The following ZNF804B variants were observed in gnomAD, a reference collection of about 807,000 sequenced individuals.
ZNF804B encodes the protein zinc finger protein 804B.
A neutral mutation model predicts 101.4 loss-of-function variants in ZNF804B; 80 were observed. That is an observed-to-expected ratio of 0.79 (90% CI 0.66 to 0.95). ZNF804B has a LOEUF of 0.95. ZNF804B is among the 40% of genes least tolerant of loss of function. The pLI is 0.00. For synonymous variants in ZNF804B, 622 were observed against 558.8 expected (o/e 1.11, Z -1.59); for missense variants, 1,673 against 1,561.9 (o/e 1.07, Z -1.20).
intron 1 of ZNF804B, among the ~76,000 whole-genome samples, chr7:89,126,204 G>C (rs769688274): frequency 2.0e-5 from 3 of 151,790 alleles, no homozygotes; most frequent in Non-Finnish European, 4.4e-5. Flanking sequence ...TAACATATTA[G>C]TGTACAATAT....
chr7:89,220,063 G>GCACATATATGTGTATATACATATATACA (rs1788973996), intron 2 of ZNF804B, among the ~76,000 whole-genome samples: 1 of 100,400 alleles, frequency 1.0e-5, no homozygotes, highest in African/African-American at 4.3e-5. Context: ...ACATATATAC[G>GCACATATATGTGTATATACATATATACA]CACATATATG....
At chr7:89,280,568 G>A (rs1458819317) in intron 2 of ZNF804B, among the ~76,000 whole-genome samples, 5 of 152,000 alleles carry the variant, frequency 3.3e-5, no homozygotes, top group Non-Finnish European at 5.9e-5. Flanking sequence ...AATGATAAAG[G>A]GGATATCACC....
intron 1 of ZNF804B, among the ~76,000 whole-genome samples, chr7:88,776,844 G>A (rs1790149994): frequency 7.8e-6 from 1 of 128,070 alleles, no homozygotes; most frequent in African/African-American, 3.0e-5. Flanking sequence ...AAAAACATTT[G>A]TATCAGTGTC....
intron 1 of ZNF804B, among the ~76,000 whole-genome samples, chr7:88,821,130 A>G (rs543843809): frequency 3.9e-5 from 6 of 152,272 alleles, no homozygotes; most frequent in East Asian, 1.9e-4. Context: ...ATATACAAAC[A>G]TATCTATTAT....
intron 1 of ZNF804B, among the ~76,000 whole-genome samples, chr7:88,899,547 A>G (rs1196349206): frequency 6.6e-6 from 1 of 152,142 alleles, no homozygotes; most frequent in African/African-American, 2.4e-5. Context: ...CTCCTAGCCA[A>G]TCATCTTGCC....
chr7:89,317,029 C>T (rs545904409), intron 2 of ZNF804B, among the ~76,000 whole-genome samples: 2 of 152,156 alleles, frequency 1.3e-5, no homozygotes, highest in South Asian at 4.1e-4. Flanking sequence ...ATGTTATCTA[C>T]AATGGAGGGA....
chr7:89,088,699 T>G (rs1051594502), intron 1 of ZNF804B, among the ~76,000 whole-genome samples: 1 of 150,272 alleles, frequency 6.7e-6, no homozygotes, highest in Non-Finnish European at 1.5e-5. Flanking sequence ...CCCCCTGTCA[T>G]GCTCCATGTC....
intron 2 of ZNF804B, among the ~76,000 whole-genome samples, chr7:89,242,009 T>G (rs969083448): frequency 1.3e-5 from 2 of 151,898 alleles, no homozygotes; most frequent in African/African-American, 4.8e-5. Context: ...ACAGGTCTTC[T>G]ACAAAGCTTG....
At chr7:89,254,351 C>A (rs556039716) in intron 2 of ZNF804B, among the ~76,000 whole-genome samples, 1 of 151,446 alleles carries the variant, frequency 6.6e-6, no homozygotes, top group South Asian at 2.1e-4. Context: ...AAGAAAATTA[C>A]AATAACATCA....
Position 89,335,151 on chromosome 7 carries a change from A to G in ZNF804B, c.2169A>G (p.Arg723=), listed in dbSNP as rs773434716. 6.8e-6 allele frequency: 11 copies of G among 1,613,786 alleles called. No homozygotes were observed. ...CCCCTAGCAGCATGTCTAGCTTGAG[A>G]AGTACTTGTTCAAGTCATAGATTCA... The part of the protein sequence containing the change: ...DTSPSSMSSL[R]STCSSHRFNG... The change falls in exon 4 of 4, where the codon AGA becomes AGG. Residue 723 remains arginine, a synonymous_variant. Transcript: ENST00000333190.
chr7:89,010,950 T>A (rs1788451361), intron 1 of ZNF804B, among the ~76,000 whole-genome samples: 1 of 152,224 alleles, frequency 6.6e-6, no homozygotes, highest in South Asian at 2.1e-4. Context: ...AGTTTTTGAT[T>A]GACTCCAAAT....
At chr7:88,792,724 A>AGTTATATAC (rs1790399257) in intron 1 of ZNF804B, among the ~76,000 whole-genome samples, 1 of 152,108 alleles carries the variant, frequency 6.6e-6, no homozygotes, top group African/African-American at 2.4e-5. Flanking sequence ...AAATTTTGAA[A>AGTTATATAC]GTTATATACT....
intron 1 of ZNF804B, among the ~76,000 whole-genome samples, chr7:88,942,290 G>A (rs955624920): frequency 4.6e-5 from 7 of 151,870 alleles, no homozygotes; most frequent in Admixed American, 2.6e-4. Context: ...GCAACATTCT[G>A]TCATACAATT....
At chr7:88,925,697 C>T (rs1175127986) in intron 1 of ZNF804B, among the ~76,000 whole-genome samples, 1 of 152,162 alleles carries the variant, frequency 6.6e-6, no homozygotes, top group Non-Finnish European at 1.5e-5. Context: ...CTGAGGAATT[C>T]TATCTAGCTG....
intron 1 of ZNF804B, among the ~76,000 whole-genome samples, chr7:89,152,579 T>C (rs1790896089): frequency 6.6e-6 from 1 of 152,132 alleles, no homozygotes; most frequent in African/African-American, 2.4e-5. Flanking sequence ...ATCTTTATGT[T>C]TCAGTTTTAG....
chr7:89,148,669 C>G (rs952839771), intron 1 of ZNF804B, among the ~76,000 whole-genome samples: 1 of 151,958 alleles, frequency 6.6e-6, no homozygotes, highest in South Asian at 2.1e-4. Context: ...CCCAGGAAAA[C>G]TTCTGCTATT....
chr7:88,786,672 C>T (rs2115673114), intron 1 of ZNF804B, among the ~76,000 whole-genome samples: 1 of 152,156 alleles, frequency 6.6e-6, no homozygotes, highest in South Asian at 2.1e-4. Flanking sequence ...ACCTACACCT[C>T]ATCTAAAGAT....
At chr7:89,279,952 T>C (rs1457211411) in intron 2 of ZNF804B, among the ~76,000 whole-genome samples, 1 of 151,974 alleles carries the variant, frequency 6.6e-6, no homozygotes, top group Non-Finnish European at 1.5e-5. Flanking sequence ...CAACAGAATA[T>C]ACATTTTTTT....
intron 1 of ZNF804B, among the ~76,000 whole-genome samples, chr7:88,996,174 T>C (rs1456272361): frequency 6.6e-6 from 1 of 152,056 alleles, no homozygotes; most frequent in Non-Finnish European, 1.5e-5. Flanking sequence ...ACTAATATAA[T>C]ATTAAAAATA....
Sources: allele counts gnomAD v4.1 joint callset (sites outside exome capture counted in the v4.1 genomes callset), GRCh38; gene constraint gnomAD v4.1.1; transcripts MANE v1.5; gene names NCBI Gene and HGNC (gene_info 2026-07-23, HGNC 2026-07-21).